Variants in C1GALT1 observed in about 807,000 individuals in gnomAD.
The protein encoded by C1GALT1 is glycoprotein-N-acetylgalactosamine 3-beta-galactosyltransferase 1.
Under a neutral mutation model 31.0 loss-of-function variants are expected in C1GALT1, and 11 were observed. That is an observed-to-expected ratio of 0.36 (90% CI 0.22 to 0.59). The LOEUF (loss-of-function observed/expected upper bound fraction) is 0.59. Among genes scored for constraint, C1GALT1 ranks in the 20% least tolerant of loss-of-function variants. The pLI, the probability that C1GALT1 is intolerant of heterozygous loss-of-function variation, is 0.79. For synonymous variants in C1GALT1, 175 were observed against 143.6 expected, an observed-to-expected ratio of 1.22 and a Z score of -1.56; for missense variants, 424 against 425.2, an observed-to-expected ratio of 1.00 and a Z score of 0.03.
intron 1 of C1GALT1, among the ~76,000 whole-genome samples, chr7:7,207,066 T>C (rs1306495289): frequency 1.3e-5 from 2 of 152,158 alleles, no homozygotes; most frequent in African/African-American, 4.8e-5. Context: ...TACTTGGGAC[T>C]ATGACAGTGT....
intron 1 of C1GALT1, among the ~76,000 whole-genome samples, chr7:7,198,413 T>C (rs1781391858): frequency 6.6e-6 from 1 of 152,228 alleles, no homozygotes; most frequent in Non-Finnish European, 1.5e-5. Flanking sequence ...AGCTTTTTGA[T>C]GTGCTGCTGG....
intron 1 of C1GALT1, among the ~76,000 whole-genome samples, chr7:7,185,195 A>G (rs999301713): frequency 2.4e-4 from 37 of 152,324 alleles, no homozygotes; most frequent in Middle Eastern, 3.4e-3. Flanking sequence ...TAGCACCTGT[A>G]GTATGTGCTG....
intron 2 of C1GALT1, chr7:7,235,324 T>G (rs923272152): frequency 6.6e-6 from 1 of 152,164 alleles, no homozygotes; most frequent in Non-Finnish European, 1.5e-5. Context: ...TCTCTTCTCT[T>G]CTCAGTAGTA....
chr7:7,219,101 G>T (rs969734203), intron 1 of C1GALT1, among the ~76,000 whole-genome samples: 2 of 152,176 alleles, frequency 1.3e-5, no homozygotes, highest in Non-Finnish European at 2.9e-5. Context: ...GCCTCCCAAA[G>T]TGCTGGGATT....
rs542451761 is a variant in C1GALT1 at position 7,203,972 on chromosome 7, C to T, written c.-18+21152C>T. Among the ~76,000 whole-genome samples the T allele has an allele frequency of 6.6e-5, 10 of 152,154 alleles. No homozygotes were observed. In the South Asian group the frequency reaches 2.1e-3, roughly 32 times the overall value. On this transcript the variant is annotated intron_variant, in intron 1 of 3. Coordinates refer to ENST00000436587, the MANE Select transcript of C1GALT1 (RefSeq NM_020156.5). ...TTAACACATCTCTCCCTATGCCTCC[C>T]TTCCCCTTCTTGGTTTCTACTATCC...
chr7:7,184,847 G>T (rs978996466), intron 1 of C1GALT1, among the ~76,000 whole-genome samples: 5 of 152,304 alleles, frequency 3.3e-5, no homozygotes, highest in African/African-American at 4.8e-5. Context: ...CTATAGCAAG[G>T]CTGAAAGAAA....
At chr7:7,171,395 G>GT (rs1003929353) in intron 2 of C1GALT1, among the ~76,000 whole-genome samples, 2 of 151,986 alleles carry the variant, frequency 1.3e-5, no homozygotes, top group Non-Finnish European at 2.9e-5. Context: ...TTGACTTGAA[G>GT]TTTTTTGCCT....
At chr7:7,218,960 A>C (rs1451000307) in intron 1 of C1GALT1, among the ~76,000 whole-genome samples, 1 of 151,628 alleles carries the variant, frequency 6.6e-6, no homozygotes, top group Non-Finnish European at 1.5e-5. Flanking sequence ...CAGCCTCCTG[A>C]GTAGCTGGGA....
intron 1 of C1GALT1, among the ~76,000 whole-genome samples, chr7:7,228,687 A>T (rs1442656066): frequency 1.3e-5 from 2 of 152,248 alleles, no homozygotes; most frequent in African/African-American, 4.8e-5. Context: ...GGTAAACACA[A>T]CACAAGAGGA....
chr7:7,222,548 T>C (rs550690680), intron 1 of C1GALT1, among the ~76,000 whole-genome samples: 1 of 152,324 alleles, frequency 6.6e-6, no homozygotes, highest in Admixed American at 6.5e-5. Context: ...TTTTTTCATT[T>C]TTTCTGTGAA....
intron 1 of C1GALT1, among the ~76,000 whole-genome samples, chr7:7,217,022 A>G (rs887131583): frequency 6.6e-6 from 1 of 152,170 alleles, no homozygotes; most frequent in African/African-American, 2.4e-5. Context: ...AAAAAGAGAA[A>G]ATTTGGCGAC....
chr7:7,206,412 T>C (rs1335446985), intron 1 of C1GALT1, among the ~76,000 whole-genome samples: 1 of 152,098 alleles, frequency 6.6e-6, no homozygotes, highest in Non-Finnish European at 1.5e-5. Context: ...TACTTGAGAA[T>C]GTTTTATTTA....
At chr7:7,173,437 G>C (rs1205593188) in intron 2 of C1GALT1, among the ~76,000 whole-genome samples, 1 of 151,996 alleles carries the variant, frequency 6.6e-6, no homozygotes, top group Non-Finnish European at 1.5e-5. Context: ...CCCAGTCTTG[G>C]GTATTTCTCT....
chr7:7,230,360 G>T (rs960920909), intron 1 of C1GALT1, among the ~76,000 whole-genome samples: 1 of 151,708 alleles, frequency 6.6e-6, no homozygotes. Context: ...TTTTTTTTGT[G>T]GTATCAATAA....
intron 1 of C1GALT1, among the ~76,000 whole-genome samples, chr7:7,201,597 A>G (rs144978504): frequency 0.016 from 2,462 of 152,222 alleles, 65 homozygotes; most frequent in African/African-American, 0.055. Flanking sequence ...GTGACCAGGG[A>G]AGCGGGGGAA....
intron 2 of C1GALT1, among the ~76,000 whole-genome samples, chr7:7,175,882 T>C (rs922961322): frequency 6.6e-6 from 1 of 152,098 alleles, no homozygotes; most frequent in East Asian, 1.9e-4. Flanking sequence ...ACTCTTCCTC[T>C]TCTTGGAAGG....
intron 1 of C1GALT1, among the ~76,000 whole-genome samples, chr7:7,201,369 C>T (rs183787744): frequency 2.0e-5 from 3 of 152,168 alleles, no homozygotes; most frequent in African/African-American, 4.8e-5. Flanking sequence ...CTGGAAGCTT[C>T]GTCTCAGAGG....
intron 1 of C1GALT1, among the ~76,000 whole-genome samples, chr7:7,224,918 A>G (rs892228854): frequency 1.3e-5 from 2 of 152,136 alleles, no homozygotes; most frequent in African/African-American, 4.8e-5. Context: ...TGTATTAAGC[A>G]TAGTGTATTT....
In C1GALT1 at chr7:7,248,064, G is replaced by A. The variant is rs983598915; in HGVS notation, c.*4337G>A. The A allele has an allele frequency of 1.3e-5, 2 of 151,948 alleles. No homozygotes were observed. Among genetic ancestry groups the A allele is most frequent in the African/African-American group, 4.8e-5 (2 of 41,396 alleles). The allele number at this position is 151,948 out of a possible 1,614,324, so 9.4% of individuals were successfully genotyped here. ...ACTCATTTTATTTTTCTACTTTATAGTAGGCCTGACAGAAACATAGTGAAG... is the reference window on the plus strand; with the variant it reads ...ACTCATTTTATTTTTCTACTTTATAATAGGCCTGACAGAAACATAGTGAAG... On this transcript the variant is annotated 3_prime_UTR_variant, in exon 4 of 4. Transcript: ENST00000436587.
Sources: allele counts gnomAD v4.1 joint callset (sites outside exome capture counted in the v4.1 genomes callset), GRCh38; gene constraint gnomAD v4.1.1; transcripts MANE v1.5; gene names NCBI Gene and HGNC (gene_info 2026-07-23, HGNC 2026-07-21).